Variants in SIM2 observed in about 807,000 individuals in gnomAD.
The protein encoded by SIM2 is single-minded homolog 2.
SIM2 carries 28 observed loss-of-function variants against 64.8 expected under a neutral mutation model. The observed-to-expected ratio is 0.43, with a 90% CI of 0.32 to 0.59. SIM2 has a LOEUF of 0.59. SIM2 is among the 20% of genes least tolerant of loss of function. The pLI is 0.07. For synonymous variants in SIM2, 408 were observed against 391.1 expected, an observed-to-expected ratio of 1.04 and a Z score of -0.51; for missense variants, 847 against 871.4, an observed-to-expected ratio of 0.97 and a Z score of 0.35.
chr21:36,702,638 G>A (rs1397192139), intron 1 of SIM2, among the ~76,000 whole-genome samples: 1 of 152,180 alleles, frequency 6.6e-6, no homozygotes, highest in East Asian at 1.9e-4. Context: ...CCAAAGAGTG[G>A]CAGTGGAGTG....
At chr21:36,731,287 G>A (rs1174355318) in intron 7 of SIM2, 136 bp downstream of exon 7, 35 of 632,698 alleles carry the variant, frequency 5.5e-5, no homozygotes, top group Non-Finnish European at 8.1e-5. Flanking sequence ...AGCCCCAAGT[G>A]TGGCTTCCTC....
intron 3 of SIM2, among the ~76,000 whole-genome samples, chr21:36,714,047 G>A (rs1308533754): frequency 6.6e-6 from 1 of 152,216 alleles, no homozygotes; most frequent in African/African-American, 2.4e-5. Context: ...TTATTAGGTT[G>A]ATGCAAAAGT....
intron 5 of SIM2, among the ~76,000 whole-genome samples, chr21:36,724,506 T>C (rs1601698720): frequency 6.6e-6 from 1 of 152,220 alleles, no homozygotes; most frequent in East Asian, 1.9e-4. Flanking sequence ...CTTGAGTCCC[T>C]AGCCTCAGTC....
chr21:36,711,563 G>C (rs772952415), intron 2 of SIM2, among the ~76,000 whole-genome samples: 16 of 152,268 alleles, frequency 1.1e-4, no homozygotes, highest in Non-Finnish European at 1.6e-4. Flanking sequence ...AGGGGTGGAG[G>C]GGGTGGCTTA....
At position 36,699,917 on chromosome 21, in the gene SIM2, C is replaced by G. The variant is rs766124867; in HGVS notation, c.171C>G (p.Pro57=). The change falls in exon 1 of 11, where the codon CCC becomes CCG. Residue 57 remains proline (P), a synonymous_variant. Coordinates refer to ENST00000290399, the MANE Select transcript of SIM2 (RefSeq NM_005069.6). The surrounding 1 kb of genome is among the most constrained non-coding windows in gnomAD (Gnocchi z 5.6). ...ACCTGAAGATGCGCGCCGTCTTCCC[C>G]GAAGGTGAGGCCTCAGGTGGGCGGC... The part of the protein sequence containing the change: ...TSYLKMRAVF[P]EGLGDAWGQP... 6.3e-7 allele frequency: 1 copy of G among 1,598,314 alleles called. No homozygotes were observed. Among genetic ancestry groups the G allele is most frequent in the Admixed American group, 1.7e-5 (1 of 58,714 alleles).
At chr21:36,732,072 G>A (rs890634359) in intron 7 of SIM2, among the ~76,000 whole-genome samples, 3 of 152,158 alleles carry the variant, frequency 2.0e-5, no homozygotes, top group South Asian at 4.2e-4. Flanking sequence ...TAGTAGAGAC[G>A]GGGTTTCACC....
In SIM2 at chr21:36,748,617, A is replaced by G. The variant is rs2089271376; in HGVS notation, c.*525A>G. On this transcript the variant is annotated 3_prime_UTR_variant, in exon 11 of 11. Transcript: ENST00000290399. ...CACAACTCCACTGTCTTTAAAAGTCATTCAAGAGTCTCATTATTTTTGTTT... is the reference window on the plus strand; with the variant it reads ...CACAACTCCACTGTCTTTAAAAGTCGTTCAAGAGTCTCATTATTTTTGTTT... 6.6e-6 allele frequency: 1 copy of G among 152,306 alleles called. No individual in the cohort carries two copies. Among genetic ancestry groups the G allele is most frequent in the Non-Finnish European group, 1.5e-5 (1 of 68,028 alleles). 9.4% of individuals were successfully genotyped at this position (152,306 alleles called of 1,614,324 possible).
intron 3 of SIM2, among the ~76,000 whole-genome samples, chr21:36,714,569 A>C (rs1292451548): frequency 6.6e-6 from 1 of 152,164 alleles, no homozygotes; most frequent in Non-Finnish European, 1.5e-5. Flanking sequence ...AGGGGGCAAC[A>C]CAAAATCCAG....
intron 4 of SIM2, 70 bp from the exon 5 acceptor site, chr21:36,722,975 G>C: frequency 8.4e-7 from 1 of 1,186,350 alleles, no homozygotes; most frequent in Non-Finnish European, 1.3e-6. Context: ...GAACACATTG[G>C]TGCGGTTGGA....
At chr21:36,719,578 T>TTC (rs1237350157) in intron 3 of SIM2, among the ~76,000 whole-genome samples, 2 of 152,224 alleles carry the variant, frequency 1.3e-5, no homozygotes. Flanking sequence ...CTGCTAAGGG[T>TTC]TCTCTTGGCT....
chr21:36,738,555 T>C (rs1307941267), intron 7 of SIM2, among the ~76,000 whole-genome samples: 11 of 152,118 alleles, frequency 7.2e-5, no homozygotes, highest in Non-Finnish European at 1.6e-4. Context: ...ACCAACCTAA[T>C]AGCTATAGAG....
At chr21:36,705,764 G>A (rs1452425844) in intron 1 of SIM2, among the ~76,000 whole-genome samples, 1 of 152,234 alleles carries the variant, frequency 6.6e-6, no homozygotes, top group African/African-American at 2.4e-5. Context: ...GAGGGCTGGG[G>A]TTAGGGACTG....
intron 1 of SIM2, among the ~76,000 whole-genome samples, chr21:36,703,888 A>G (rs746672804): frequency 1.3e-5 from 2 of 152,238 alleles, no homozygotes; most frequent in Non-Finnish European, 2.9e-5. Context: ...GCCTCTGCCC[A>G]TCGGAGGTCA....
At chr21:36,731,206 T>C in intron 7 of SIM2, 55 bp downstream of exon 7, 1 of 1,327,476 alleles carries the variant, frequency 7.5e-7, no homozygotes, top group Non-Finnish European at 1.1e-6. Flanking sequence ...GAGGAGGCGC[T>C]GAGGACAGAG....
At chr21:36,733,708 C>T (rs544296108) in intron 7 of SIM2, among the ~76,000 whole-genome samples, 21 of 152,102 alleles carry the variant, frequency 1.4e-4, no homozygotes, top group African/African-American at 4.8e-4. Flanking sequence ...TACAGGCGCC[C>T]GCCAGCAAGC....
Position 36,719,935 on chromosome 21 carries a change from C to T in SIM2, c.457+6C>T, listed in dbSNP as rs764084333. 4 of 1,561,478 alleles carry T rather than the reference C, an allele frequency of 2.6e-6. No individual in the cohort carries two copies. In the South Asian group the frequency reaches 4.4e-5, roughly 17 times the overall value. ...GCACCACCACCTGCTCCAAGGTATTCCATCCAGAGGGAAAAAAAAAAACAG... is the reference window on the plus strand; with the variant it reads ...GCACCACCACCTGCTCCAAGGTATTTCATCCAGAGGGAAAAAAAAAAACAG... On this transcript the variant is annotated splice_donor_region_variant and intron_variant, in intron 4 of 10. Transcript: ENST00000290399.
chr21:36,730,652 A>G (rs1392721616), intron 6 of SIM2, among the ~76,000 whole-genome samples: 2 of 152,200 alleles, frequency 1.3e-5, no homozygotes, highest in Admixed American at 6.5e-5. Flanking sequence ...ACAATTTATA[A>G]AAAACATTCA....
intron 1 of SIM2, among the ~76,000 whole-genome samples, chr21:36,705,627 G>C (rs943941974): frequency 1.3e-5 from 2 of 152,224 alleles, no homozygotes; most frequent in Non-Finnish European, 2.9e-5. Flanking sequence ...AGATCAGACC[G>C]AGGAGACGGG....
chr21:36,729,834 G>A (rs991072911), intron 6 of SIM2, among the ~76,000 whole-genome samples: 8 of 152,166 alleles, frequency 5.3e-5, no homozygotes, highest in Admixed American at 1.3e-4. Flanking sequence ...TTCCACCTAC[G>A]GCCAGAGCGA....
Sources: allele counts gnomAD v4.1 joint callset (sites outside exome capture counted in the v4.1 genomes callset), GRCh38; gene constraint gnomAD v4.1.1; non-coding constraint Gnocchi (gnomAD v3.1); transcripts MANE v1.5; gene names NCBI Gene and HGNC (gene_info 2026-07-23, HGNC 2026-07-21).